The following PATJ variants were observed in gnomAD, a reference collection of about 807,000 sequenced individuals.
PATJ encodes the protein inaD-like protein.
PATJ carries 190 observed loss-of-function variants against 224.9 expected under a neutral mutation model. That is an observed-to-expected ratio of 0.84 (90% CI 0.75 to 0.95). The LOEUF (loss-of-function observed/expected upper bound fraction) is 0.95, where lower values mean the gene tolerates loss of function less well. PATJ is among the 40% of genes least tolerant of loss of function. PATJ has a pLI of 0.00. For synonymous variants in PATJ, 769 were observed against 820.3 expected, an observed-to-expected ratio of 0.94 and a Z score of 1.07; for missense variants, 2,121 against 2,270.3, an observed-to-expected ratio of 0.93 and a Z score of 1.34.
rs773065062 is a variant in PATJ, at chr1:61,801,647, C to T, written c.1427C>T (p.Pro476Leu). The stretch of plus-strand genomic sequence containing the variant: ...GGAACTGTTGTAGAACCACTGAAAC[C>T]ACCAGCTCTCTTTCTAACTGGAGCA... ...DRGTVVEPLK[P>L]PALFLTGAVE... Residue 476 changes from proline to leucine, a missense_variant, in exon 12 of 44, where the codon CCA becomes CTA. Pro to Leu is a moderately conservative substitution (Grantham distance 98). Transcript: ENST00000642238. 13 of 1,590,526 alleles carry T rather than the reference C, an allele frequency of 8.2e-6. No individual in the cohort carries two copies. In the South Asian group the frequency reaches 1.4e-4, roughly 17 times the overall value.
In PATJ at chr1:61,884,327, A is replaced by G. The variant is rs1454379796; in HGVS notation, c.3050A>G (p.Tyr1017Cys). ...AGGGAGCAAGAAGATTTGCCTTTAT[A>G]TCAACACCAAGCGACACGAGTTATT... The part of the protein sequence containing the change: ...QRREQEDLPL[Y>C]QHQATRVISK... Residue 1017 changes from tyrosine (Y) to cysteine (C), a missense_variant, in exon 22 of 44, where the codon TAT (tyrosine) becomes TGT (cysteine). By Grantham distance (194) the Tyr-to-Cys change is radical. Transcript: ENST00000642238. 1.2e-6 allele frequency: 2 copies of G among 1,613,730 alleles called. No individual in the cohort carries two copies. The highest frequency in any genetic ancestry group is 2.2e-5 in the South Asian group (2 of 91,026).
intron 33 of PATJ, among the ~76,000 whole-genome samples, chr1:62,107,066 G>A (rs1015767436): frequency 4.6e-5 from 7 of 151,948 alleles, no homozygotes; most frequent in Non-Finnish European, 8.8e-5. Context: ...CCAGCACTCT[G>A]GGAGGTGAGG....
chr1:61,942,660 C>T (rs1384120472), intron 27 of PATJ, among the ~76,000 whole-genome samples: 2 of 151,942 alleles, frequency 1.3e-5, no homozygotes, highest in African/African-American at 2.4e-5. Flanking sequence ...AAGCAATTCT[C>T]CTGCCTCAGC....
chr1:61,813,380 C>CATATATATATATATATAT (rs1557690831), intron 14 of PATJ, among the ~76,000 whole-genome samples: 6 of 21,818 alleles, frequency 2.8e-4, no homozygotes, highest in African/African-American at 9.2e-4. Flanking sequence ...TATATATATA[C>CATATATATATATATATAT]ACACACACAC....
intron 7 of PATJ, among the ~76,000 whole-genome samples, chr1:61,783,943 C>T (rs1331496111): frequency 6.6e-6 from 1 of 151,874 alleles, no homozygotes; most frequent in African/African-American, 2.4e-5. Context: ...GGGGTTTCAC[C>T]ATGTTGGCCA....
At chr1:61,959,247 G>T (rs951350999) in intron 27 of PATJ, among the ~76,000 whole-genome samples, 5 of 151,624 alleles carry the variant, frequency 3.3e-5, no homozygotes, top group Non-Finnish European at 7.4e-5. Context: ...GTATGGGACC[G>T]GGGATTACAT....
rs1316021564 is a variant in PATJ at position 61,893,490 on chromosome 1, T to G, written c.3132-6093T>G. The stretch of plus-strand genomic sequence containing the variant: ...TTTCCCTTCTATTTTAGGGTGTTTT[T>G]TTTTTTTTTTCGCCAATTAAAGAAT... On this transcript the variant is annotated intron_variant, in intron 22 of 43. Coordinates refer to ENST00000642238, the MANE Select transcript of PATJ (RefSeq NM_001350145.3). Among the ~76,000 whole-genome samples, 4 of 151,578 alleles carry G rather than the reference T, an allele frequency of 2.6e-5. No individual in the cohort carries two copies. The East Asian group carries it at 7.7e-4, about 29-fold the overall frequency.
chr1:61,828,996 C>T (rs79124086), intron 16 of PATJ, among the ~76,000 whole-genome samples: 2,778 of 152,296 alleles, frequency 0.018, 78 homozygotes, highest in African/African-American at 0.062. Context: ...GTAATGTGAG[C>T]AACTTCTTAA....
intron 1 of PATJ, among the ~76,000 whole-genome samples, chr1:61,748,024 G>A (rs1645110864): frequency 6.6e-6 from 1 of 152,128 alleles, no homozygotes. Context: ...GGGATTACAG[G>A]CGTGCGCCAC....
chr1:61,793,902 A>AT (rs1650431825), intron 9 of PATJ, among the ~76,000 whole-genome samples: 1 of 144,240 alleles, frequency 6.9e-6, no homozygotes, highest in Non-Finnish European at 1.5e-5. Flanking sequence ...TTTCTTCTAC[A>AT]ATTTTTTTTT....
At chr1:61,803,071 C>G (rs539270977) in intron 12 of PATJ, among the ~76,000 whole-genome samples, 2 of 152,220 alleles carry the variant, frequency 1.3e-5, no homozygotes, top group South Asian at 4.2e-4. Flanking sequence ...AGAAAAATGT[C>G]AGATGAAAAT....
chr1:62,111,379 G>A (rs1367943661), intron 34 of PATJ, among the ~76,000 whole-genome samples: 1 of 152,176 alleles, frequency 6.6e-6, no homozygotes, highest in Non-Finnish European at 1.5e-5. Context: ...AGCAGTGAAT[G>A]ATCATGCTGA....
chr1:62,121,528 G>A (rs950904348), intron 38 of PATJ, among the ~76,000 whole-genome samples: 10 of 151,916 alleles, frequency 6.6e-5, no homozygotes, highest in African/African-American at 1.5e-4. Context: ...ACTTTGGGAC[G>A]GCTGTGGCGG....
At chr1:61,766,837 A>T (rs962029898) in intron 4 of PATJ, among the ~76,000 whole-genome samples, 1 of 152,214 alleles carries the variant, frequency 6.6e-6, no homozygotes, top group Non-Finnish European at 1.5e-5. Context: ...TCACACCTGT[A>T]ATTGCATCAC....
intron 27 of PATJ, among the ~76,000 whole-genome samples, chr1:61,947,135 G>A (rs1678857919): frequency 6.6e-6 from 1 of 152,160 alleles, no homozygotes; most frequent in African/African-American, 2.4e-5. Flanking sequence ...AAAACTGGAA[G>A]CATTCCCTTT....
chr1:61,814,513 T>TAG (rs1655638758), intron 14 of PATJ, among the ~76,000 whole-genome samples: 2 of 135,190 alleles, frequency 1.5e-5, no homozygotes, highest in African/African-American at 2.9e-5. Context: ...TACCTGCCTT[T>TAG]TGTTTAGTGT....
At position 61,791,398 on chromosome 1, in the gene PATJ, G is replaced by T; in HGVS notation, c.1119G>T (p.Gly373=). The change falls in exon 9 of 44, where the codon GGG becomes GGT. Residue 373 remains glycine, a synonymous_variant. Transcript: ENST00000642238. ...ATGTTGAGCTTGTGAGAAAAGATGGGCAGAGTCTTGGAATTAGAATTGTTG... is the reference window on the plus strand; with the variant it reads ...ATGTTGAGCTTGTGAGAAAAGATGGTCAGAGTCTTGGAATTAGAATTGTTG... ...TYNVELVRKD[G]QSLGIRIVGY... 1 of 1,612,328 alleles carries T rather than the reference G, an allele frequency of 6.2e-7. No individual in the cohort carries two copies. The highest frequency in any genetic ancestry group is 2.2e-5 in the East Asian group (1 of 44,804).
At chr1:62,147,287 TAGAA>T (rs1236778162) in intron 41 of PATJ, among the ~76,000 whole-genome samples, 5 of 111,380 alleles carry the variant, frequency 4.5e-5, no homozygotes, top group African/African-American at 2.0e-4. Context: ...GTTTAAATAA[TAGAA>T]GGAATGGCCA....
At chr1:62,159,952 A>C (rs1372223030) in intron 43 of PATJ, among the ~76,000 whole-genome samples, 1 of 152,126 alleles carries the variant, frequency 6.6e-6, no homozygotes, top group African/African-American at 2.4e-5. Flanking sequence ...CTGCACATGG[A>C]CACAGATCTC....
Sources: gnomAD v4.1 joint callset for allele counts (sites outside exome capture counted in the v4.1 genomes callset) on GRCh38, gnomAD v4.1.1 for gene constraint, MANE v1.5 for transcripts, NCBI Gene and HGNC (gene_info 2026-07-23, HGNC 2026-07-21) for gene names.